The following PREX1 variants were observed in gnomAD, a reference collection of about 807,000 sequenced individuals.
PREX1 encodes the protein phosphatidylinositol-3,4,5-trisphosphate dependent Rac exchange factor 1.
In PREX1, 41 loss-of-function variants were observed where a neutral mutation model predicts 198.3. The ratio of observed to expected loss-of-function variants is 0.21; its 90% CI spans 0.16 to 0.27. The LOEUF is 0.27. PREX1 is among the 10% of genes least tolerant of loss of function. PREX1 has a pLI of 1.00. For synonymous variants in PREX1, 843 were observed against 887.2 expected (o/e 0.95, Z 0.89); for missense variants, 1,620 against 2,200.7 (o/e 0.74, Z 5.28).
intron 1 of PREX1, among the ~76,000 whole-genome samples, chr20:48,767,725 G>A (rs1025275175): frequency 1.3e-5 from 2 of 152,020 alleles, no homozygotes; most frequent in African/African-American, 4.8e-5. Flanking sequence ...CCAATGCCTA[G>A]TCTGCCCTTC....
chr20:48,789,183 C>A (rs1282247070), intron 1 of PREX1, among the ~76,000 whole-genome samples: 1 of 152,184 alleles, frequency 6.6e-6, no homozygotes, highest in Non-Finnish European at 1.5e-5. Flanking sequence ...TTCCAAATAA[C>A]CACCAATTCA....
rs553840392 is a variant in PREX1 at position 48,758,668 on chromosome 20, G to A, written c.220-10788C>T. On this transcript the variant is annotated intron_variant, in intron 1 of 39. Coordinates refer to ENST00000371941, the MANE Select transcript of PREX1 (RefSeq NM_020820.4). ...GGCTGCGGAACCACAGGCAGTCCCC[G>A]GTCAGACGTGGAGGCAGGTTTCACG... Among the ~76,000 whole-genome samples, 68 of 152,308 alleles carry A rather than the reference G, an allele frequency of 4.5e-4. 1 individual carries two copies. Among genetic ancestry groups the A allele is most frequent in the African/African-American group, 1.5e-3 (64 of 41,576 alleles).
At chr20:48,777,414 C>T (rs796419505) in intron 1 of PREX1, among the ~76,000 whole-genome samples, 10 of 152,322 alleles carry the variant, frequency 6.6e-5, no homozygotes, top group African/African-American at 2.4e-4. Context: ...ACCTTCAGAA[C>T]TGACCATTAC....
At chr20:48,731,446 T>C (rs1332343500) in intron 4 of PREX1, among the ~76,000 whole-genome samples, 1 of 152,240 alleles carries the variant, frequency 6.6e-6, no homozygotes, top group East Asian at 1.9e-4. Flanking sequence ...TTTTCTTGCC[T>C]TGTTCATGTC....
chr20:48,692,653 AG>A lies in PREX1; in HGVS notation c.1036+18del, dbSNP rs1329514654. ...GCAGGGCTCAGGCAGGGCTCAGGCAAGGCTGGGGGAGGGGCTACCTGTCCCA... is the reference window on the plus strand; with the variant it reads ...GCAGGGCTCAGGCAGGGCTCAGGCAAGCTGGGGGAGGGGCTACCTGTCCCA... On this transcript the variant is annotated intron_variant, in intron 8 of 39. Coordinates refer to ENST00000371941, the MANE Select transcript of PREX1 (RefSeq NM_020820.4). The A allele has an allele frequency of 1.3e-6, 2 of 1,599,608 alleles. No individual in the cohort carries two copies. Among genetic ancestry groups the A allele is most frequent in the South Asian group, 1.1e-5 (1 of 90,756 alleles).
intron 15 of PREX1, among the ~76,000 whole-genome samples, chr20:48,664,264 A>G (rs1450397564): frequency 6.6e-6 from 1 of 151,868 alleles, no homozygotes; most frequent in Non-Finnish European, 1.5e-5. Flanking sequence ...GGTCCCAGCT[A>G]CTCGGGAGGC....
intron 11 of PREX1, among the ~76,000 whole-genome samples, chr20:48,680,338 C>T (rs2089741438): frequency 6.6e-6 from 1 of 152,304 alleles, no homozygotes; most frequent in African/African-American, 2.4e-5. Context: ...CCTGCTGTCA[C>T]CCTTGGTCCC....
chr20:48,744,535 A>G (rs1044428075), intron 3 of PREX1, among the ~76,000 whole-genome samples: 18 of 152,336 alleles, frequency 1.2e-4, no homozygotes, highest in Admixed American at 1.2e-3. Context: ...CAAATGCGTT[A>G]GTAATCTTGC....
chr20:48,840,684 C>G, the PREX1 span, among the ~76,000 whole-genome samples: 1 of 152,216 alleles, frequency 6.6e-6, no homozygotes, highest in African/African-American at 2.4e-5. Flanking sequence ...TAGATCAACC[C>G]CACAGAGTGC....
chr20:48,811,647 C>T (rs562927596), intron 1 of PREX1, among the ~76,000 whole-genome samples: 2 of 142,268 alleles, frequency 1.4e-5, no homozygotes, highest in East Asian at 2.0e-4. Context: ...CACACACGTA[C>T]GTGTGCATGC....
In PREX1 at chr20:48,655,389, A is replaced by C; in HGVS notation, c.2124-14T>G. ...ATTTTGATGATCCTGCACCAGGTAG[A>C]AGAGGCAGGGAAAAAGGCCATGAGG... On this transcript the variant is annotated splice_polypyrimidine_tract_variant and intron_variant, in intron 18 of 39. Transcript: ENST00000371941. 6.6e-7 allele frequency: 1 copy of C among 1,519,392 alleles called. No homozygotes were observed. The highest frequency in any genetic ancestry group is 8.9e-7 in the Non-Finnish European group (1 of 1,121,734). 94.1% of individuals were successfully genotyped at this position (1,519,392 alleles called of 1,614,324 possible). A position where few individuals can be genotyped will look rare whatever the true frequency, so the allele number is the denominator to read the frequency against.
chr20:48,818,424 G>A (rs890055802), intron 1 of PREX1, among the ~76,000 whole-genome samples: 3 of 152,224 alleles, frequency 2.0e-5, no homozygotes, highest in Non-Finnish European at 4.4e-5. Flanking sequence ...GACATTCCAG[G>A]CCAGACTAAG....
At chr20:48,668,130 G>A (rs543820594) in intron 14 of PREX1, among the ~76,000 whole-genome samples, 127 of 151,956 alleles carry the variant, frequency 8.4e-4, no homozygotes, top group African/African-American at 2.7e-3. Context: ...AATACGTCCC[G>A]GCCAAGTGTG....
At chr20:48,801,919 G>T (rs1163733025) in intron 1 of PREX1, among the ~76,000 whole-genome samples, 1 of 152,056 alleles carries the variant, frequency 6.6e-6, no homozygotes, top group Non-Finnish European at 1.5e-5. Context: ...ACGCCCCTTG[G>T]GTTTTGTCTC....
chr20:48,795,810 T>G (rs538945647), intron 1 of PREX1, among the ~76,000 whole-genome samples: 1 of 152,180 alleles, frequency 6.6e-6, no homozygotes, highest in Non-Finnish European at 1.5e-5. Flanking sequence ...ACGTTTACCC[T>G]CAGGGACCCA....
intron 15 of PREX1, 128 bp from the exon 16 acceptor site, chr20:48,660,189 T>A: frequency 9.0e-7 from 1 of 1,110,944 alleles, no homozygotes; most frequent in Non-Finnish European, 1.3e-6. Flanking sequence ...ACTATTCTAT[T>A]AAAATGGAAT....
the PREX1 span, among the ~76,000 whole-genome samples, chr20:48,872,539 T>C: frequency 2.0e-5 from 3 of 150,548 alleles, no homozygotes; most frequent in Admixed American, 6.6e-5. Flanking sequence ...AGGTCAGGAG[T>C]TCAAGAGCAG....
chr20:48,718,578 G>A (rs960242410), intron 5 of PREX1, among the ~76,000 whole-genome samples: 8 of 152,158 alleles, frequency 5.3e-5, no homozygotes, highest in African/African-American at 1.2e-4. Flanking sequence ...TGGACGAAAC[G>A]CTCCTGTTAG....
At chr20:48,695,805 G>A (rs1356101387) in intron 7 of PREX1, among the ~76,000 whole-genome samples, 2 of 152,110 alleles carry the variant, frequency 1.3e-5, no homozygotes, top group East Asian at 3.8e-4. Flanking sequence ...TCTGAAAAGG[G>A]CCAAATAGTA....
Sources: gnomAD v4.1 joint callset for allele counts (sites outside exome capture counted in the v4.1 genomes callset) on GRCh38, gnomAD v4.1.1 for gene constraint, MANE v1.5 for transcripts, NCBI Gene and HGNC (gene_info 2026-07-23, HGNC 2026-07-21) for gene names.